DMXL1: variants seen among roughly 807,000 people sequenced by gnomAD.
The protein encoded by DMXL1 is Dmx like 1.
A neutral mutation model predicts 319.2 loss-of-function variants in DMXL1; 99 were observed. The ratio of observed to expected loss-of-function variants is 0.31; its 90% CI spans 0.26 to 0.37. The LOEUF (loss-of-function observed/expected upper bound fraction) is 0.37. Among genes scored for constraint, DMXL1 ranks in the 10% least tolerant of loss-of-function variants. The pLI, the probability that DMXL1 is intolerant of heterozygous loss-of-function variation, is 1.00. For missense variants in DMXL1, 3,745 were observed against 3,595.6 expected, an observed-to-expected ratio of 1.04 and a Z score of -1.06; for synonymous variants, 1,385 against 1,235.2, an observed-to-expected ratio of 1.12 and a Z score of -2.54.
Position 119,116,277 on chromosome 5 carries a change from G to T in DMXL1, c.684G>T (p.Leu228=). 1 of 1,613,924 alleles carries T rather than the reference G, an allele frequency of 6.2e-7. No individual in the cohort carries two copies. Among genetic ancestry groups the T allele is most frequent in the Non-Finnish European group, 8.5e-7 (1 of 1,179,954 alleles). The change falls in exon 7 of 44, where the codon CTG becomes CTT. Residue 228 remains leucine (L), a synonymous_variant. Transcript: ENST00000539542. ...QGEIDFSFVY[L]AHPRAVNGFS... ...AAATTGACTTTTCTTTTGTGTATCT[G>T]GCCCATCCTCGAGCAGTAAATGGAT...
At chr5:119,217,882 TTTG>T (rs1414583821) in intron 35 of DMXL1, among the ~76,000 whole-genome samples, 1 of 152,226 alleles carries the variant, frequency 6.6e-6, no homozygotes, top group Admixed American at 6.5e-5. Flanking sequence ...GGACAGTATC[TTTG>T]TTGTTCTGTG....
At chr5:119,073,923 GTT>G (rs112722333) in intron 1 of DMXL1, among the ~76,000 whole-genome samples, 2 of 143,366 alleles carry the variant, frequency 1.4e-5, no homozygotes, top group Non-Finnish European at 1.5e-5. Flanking sequence ...GTTTTGTGTT[GTT>G]TTTTTTTTTT....
chr5:119,168,841 C>T (rs1215229213), intron 23 of DMXL1, among the ~76,000 whole-genome samples: 2 of 152,094 alleles, frequency 1.3e-5, no homozygotes, highest in Non-Finnish European at 2.9e-5. Context: ...GCATGAGCTA[C>T]TGTGCCTGGC....
At chr5:119,163,931 C>A (rs574185488) in intron 19 of DMXL1, among the ~76,000 whole-genome samples, 1 of 152,028 alleles carries the variant, frequency 6.6e-6, no homozygotes, top group Non-Finnish European at 1.5e-5. Context: ...AGACTGGTCT[C>A]GAACTTCTGA....
chr5:119,103,056 G>A (rs1357322606), intron 3 of DMXL1, among the ~76,000 whole-genome samples: 6 of 151,282 alleles, frequency 4.0e-5, no homozygotes, highest in Non-Finnish European at 8.8e-5. Flanking sequence ...AATCTTCACA[G>A]GTACTCCCAA....
chr5:119,146,890 A>G lies in DMXL1; in HGVS notation c.2623A>G (p.Thr875Ala), dbSNP rs772808012. 14 of 1,611,660 alleles carry G rather than the reference A, an allele frequency of 8.7e-6. No individual in the cohort carries two copies. Among genetic ancestry groups the G allele is most frequent in the Non-Finnish European group, 1.1e-5 (13 of 1,178,504 alleles). Residue 875 changes from threonine (T) to alanine (A), a missense_variant, in exon 16 of 44, where the codon ACT becomes GCT. Physicochemically the swap from Thr to Ala is moderately conservative, Grantham distance 58. Around this residue, in one of 4 missense-constraint regions of DMXL1, gnomAD observed 2,096 missense variants for 1,985.4 expected, o/e 1.06. Transcript: ENST00000539542. ...GTTCTACCTAATTGTAATAGAATGC[A>G]CTCAAGACAACCGTTCACTGTTACA... The part of the protein sequence containing the change: ...EKFYLIVIEC[T>A]QDNRSLLHMW...
intron 18 of DMXL1, among the ~76,000 whole-genome samples, chr5:119,151,417 A>T (rs1373035789): frequency 6.6e-6 from 1 of 152,208 alleles, no homozygotes; most frequent in Non-Finnish European, 1.5e-5. Context: ...TAAGTTGGTT[A>T]TGAATCTTGA....
chr5:119,121,545 C>A (rs1476573515), intron 9 of DMXL1, among the ~76,000 whole-genome samples: 1 of 152,042 alleles, frequency 6.6e-6, no homozygotes, highest in Non-Finnish European at 1.5e-5. Flanking sequence ...CGCCCTTAAT[C>A]CATTTAACCC....
At chr5:119,195,753 A>G (rs1475582711) in intron 30 of DMXL1, among the ~76,000 whole-genome samples, 1 of 152,312 alleles carries the variant, frequency 6.6e-6, no homozygotes, top group South Asian at 2.1e-4. Flanking sequence ...ACCATTAAAA[A>G]ATTACTAAAA....
chr5:119,144,691 A>T, intron 15 of DMXL1, 53 bp downstream of exon 15: 1 of 1,128,444 alleles, frequency 8.9e-7, no homozygotes, highest in Non-Finnish European at 1.2e-6. Flanking sequence ...TATGTTAGGC[A>T]GTTAATAAAG....
intron 2 of DMXL1, among the ~76,000 whole-genome samples, chr5:119,100,013 CAAAA>C (rs1048633566): frequency 7.9e-5 from 12 of 151,666 alleles, no homozygotes; most frequent in African/African-American, 2.9e-4. Flanking sequence ...CAAAGAAAAA[CAAAA>C]AGAGGAATTA....
At chr5:119,115,323 T>C (rs1364287007) in intron 6 of DMXL1, among the ~76,000 whole-genome samples, 1 of 152,252 alleles carries the variant, frequency 6.6e-6, no homozygotes, top group Non-Finnish European at 1.5e-5. Flanking sequence ...TAAGACTTCA[T>C]AGGCTTTCTA....
chr5:119,216,283 A>G (rs1280606680), intron 34 of DMXL1, among the ~76,000 whole-genome samples: 2 of 152,068 alleles, frequency 1.3e-5, no homozygotes, highest in Admixed American at 6.6e-5. Context: ...GGTCAAATAT[A>G]TGTCCCTCAT....
Position 119,224,735 on chromosome 5 carries a change from TAGA to T in DMXL1, c.8309_8311del (p.Arg2770del), listed in dbSNP as rs745443645. The T allele has an allele frequency of 3.0e-6, 4 of 1,331,120 alleles. No homozygotes were observed. 82.5% of individuals were successfully genotyped at this position (1,331,120 alleles called of 1,614,324 possible). A position where few individuals can be genotyped will look rare whatever the true frequency, so the allele number is the denominator to read the frequency against. On this transcript the variant is annotated inframe_deletion, in exon 38 of 44. Coordinates refer to ENST00000539542, the MANE Select transcript of DMXL1 (RefSeq NM_001290321.3). ...TGATTAAGAAAGCCATTAATAATGTTAGAAGAATGACTTCTCATCCAACTCTTC... is the reference window on the plus strand; with the variant it reads ...TGATTAAGAAAGCCATTAATAATGTTAGAATGACTTCTCATCCAACTCTTC...
At chr5:119,168,015 C>T in intron 23 of DMXL1, 151 bp downstream of exon 23, 2 of 648,586 alleles carry the variant, frequency 3.1e-6, no homozygotes, top group Non-Finnish European at 4.7e-6. Context: ...GTTTTTTTCT[C>T]CAGAAAGATA....
At chr5:119,166,945 G>A (rs1773552608) in intron 22 of DMXL1, among the ~76,000 whole-genome samples, 164 bp downstream of exon 22, 1 of 152,074 alleles carries the variant, frequency 6.6e-6, no homozygotes, top group African/African-American at 2.4e-5. Context: ...AATTTTGACT[G>A]TTAACTTGAA....
intron 8 of DMXL1, among the ~76,000 whole-genome samples, chr5:119,120,070 G>T (rs1287883817): frequency 6.6e-6 from 1 of 151,938 alleles, no homozygotes; most frequent in African/African-American, 2.4e-5. Flanking sequence ...AAGTGGAGAT[G>T]GGGTTTTGCC....
chr5:119,102,742 C>T (rs1202175787), intron 3 of DMXL1, among the ~76,000 whole-genome samples: 1 of 152,120 alleles, frequency 6.6e-6, no homozygotes, highest in Non-Finnish European at 1.5e-5. Context: ...TTGTGGTGAG[C>T]AATGATGGCA....
At chr5:119,209,331 G>T (rs1490490028) in intron 34 of DMXL1, among the ~76,000 whole-genome samples, 3 of 150,940 alleles carry the variant, frequency 2.0e-5, no homozygotes, top group African/African-American at 4.9e-5. Flanking sequence ...AATGGATTGT[G>T]TACGAAATCC....
Sources: gnomAD v4.1 joint callset for allele counts (sites outside exome capture counted in the v4.1 genomes callset) on GRCh38, gnomAD v4.1.1 for gene constraint, gnomAD v4.1.1 regional missense constraint, MANE v1.5 for transcripts, NCBI Gene and HGNC (gene_info 2026-07-23, HGNC 2026-07-21) for gene names.